Variants in RABGAP1L observed in about 807,000 individuals in gnomAD.
The protein encoded by RABGAP1L is RAB GTPase activating protein 1 like, also known as rab GTPase-activating protein 1-like.
In RABGAP1L, 63 loss-of-function variants were observed where a neutral mutation model predicts 137.7. The observed-to-expected ratio is 0.46, with a 90% confidence interval of 0.37 to 0.56. RABGAP1L has a LOEUF of 0.56. RABGAP1L is among the 20% of genes least tolerant of loss of function. The pLI is 0.00. For missense variants in RABGAP1L, 1,095 were observed against 1,244.0 expected (o/e 0.88, Z 1.80); for synonymous variants, 431 against 433.7 (o/e 0.99, Z 0.08).
At chr1:174,886,812 C>CTTTTTT (rs11385190) in intron 19 of RABGAP1L, among the ~76,000 whole-genome samples, 1 of 149,150 alleles carries the variant, frequency 6.7e-6, no homozygotes, top group Non-Finnish European at 1.5e-5. Context: ...CCATTTAATT[C>CTTTTTT]TTTTTTTTTT....
intron 19 of RABGAP1L, among the ~76,000 whole-genome samples, chr1:174,950,151 A>G (rs1233882397): frequency 6.6e-6 from 1 of 152,220 alleles, no homozygotes; most frequent in Non-Finnish European, 1.5e-5. Flanking sequence ...GTTAGTATGA[A>G]TTCAGGAGGA....
chr1:174,620,547 C>T (rs533848263), intron 13 of RABGAP1L, among the ~76,000 whole-genome samples: 15 of 152,080 alleles, frequency 9.9e-5, no homozygotes, highest in African/African-American at 2.7e-4. Flanking sequence ...AGGTACATAA[C>T]GAAATGAAGG....
chr1:174,566,555 A>T (rs1265266317), intron 13 of RABGAP1L, among the ~76,000 whole-genome samples: 3 of 152,182 alleles, frequency 2.0e-5, no homozygotes, highest in Non-Finnish European at 4.4e-5. Context: ...AGTGACTGAG[A>T]CAGTATCACT....
intron 19 of RABGAP1L, among the ~76,000 whole-genome samples, chr1:174,903,668 A>G (rs1039052606): frequency 1.9e-3 from 81 of 43,532 alleles, no homozygotes; most frequent in African/African-American, 8.0e-3. Context: ...AAAAAATTTC[A>G]TGGCTGAGTG....
At chr1:174,733,589 C>T (rs959112306) in intron 17 of RABGAP1L, among the ~76,000 whole-genome samples, 4 of 152,218 alleles carry the variant, frequency 2.6e-5, no homozygotes, top group Admixed American at 6.5e-5. Context: ...CCCTAAATAT[C>T]CCTCCTTTTT....
intron 13 of RABGAP1L, among the ~76,000 whole-genome samples, chr1:174,531,678 T>G (rs1283382426): frequency 6.9e-6 from 1 of 144,394 alleles, no homozygotes; most frequent in Non-Finnish European, 1.5e-5. Flanking sequence ...GGCTGTAGTG[T>G]GCTTTAATCA....
intron 17 of RABGAP1L, among the ~76,000 whole-genome samples, chr1:174,711,415 A>C (rs960551806): frequency 2.7e-5 from 4 of 149,580 alleles, no homozygotes; most frequent in African/African-American, 9.8e-5. Context: ...GTGGGTGGGA[A>C]CCGAGGCTGC....
rs955592067 is a variant in RABGAP1L, at chr1:174,612,110, G to A, written c.1711-25265G>A. ...ACACTATGTTGAATAGGAGTGGTGA[G>A]AGAGGGCATCCCTGTCTTGCACCTG... is the stretch of plus-strand genomic sequence containing the variant. On this transcript the variant is annotated intron_variant, in intron 13 of 25. Transcript: ENST00000681986. Among the ~76,000 whole-genome samples the A allele has an allele frequency of 3.7e-4, 57 of 152,176 alleles. 1 individual carries two copies. The highest frequency in any genetic ancestry group is 1.8e-3 in the Admixed American group (27 of 15,260).
At chr1:174,982,307 G>A (rs566636180) in intron 23 of RABGAP1L, among the ~76,000 whole-genome samples, 11 of 152,062 alleles carry the variant, frequency 7.2e-5, no homozygotes, top group Admixed American at 2.6e-4. Flanking sequence ...CCACCAGGCC[G>A]CGGTGTGTGA....
rs1008965840 is a variant in RABGAP1L, at chr1:174,184,073, T to C, written c.-34+24416T>C. ...TAGTAGAGACGGGGTTTCACCGTGT[T>C]AGCCAGGATAGTCTTGATCTCCTGA... is the stretch of plus-strand genomic sequence containing the variant. On this transcript the variant is annotated intron_variant, in intron 1 of 25. Coordinates refer to ENST00000681986, the MANE Select transcript of RABGAP1L (RefSeq NM_001366446.1). Among the ~76,000 whole-genome samples the C allele has an allele frequency of 3.9e-5, 6 of 152,166 alleles. No individual in the cohort carries two copies. The South Asian group carries it at 8.3e-4, about 21-fold the overall frequency.
Position 174,415,925 on chromosome 1 carries a change from A to G in RABGAP1L, c.1710+21780A>G, listed in dbSNP as rs563128397. 2.0e-5 allele frequency among the ~76,000 whole-genome samples: 3 copies of G among 151,586 alleles called. No individual in the cohort carries two copies. In the East Asian group the frequency reaches 5.8e-4, roughly 29 times the overall value. On this transcript the variant is annotated intron_variant, in intron 13 of 25. Coordinates refer to ENST00000681986, the MANE Select transcript of RABGAP1L (RefSeq NM_001366446.1). ...GACCTGGGATTCAAAATGCTTATTG[A>G]TCTTTATTTTATACTATTTAAAATC...
At chr1:174,811,633 T>G (rs1409758946) in intron 18 of RABGAP1L, among the ~76,000 whole-genome samples, 199 bp from the exon 19 acceptor site, 1 of 152,228 alleles carries the variant, frequency 6.6e-6, no homozygotes, top group African/African-American at 2.4e-5. Flanking sequence ...ATTGCTTCTG[T>G]GATTTATGGT....
intron 24 of RABGAP1L, among the ~76,000 whole-genome samples, chr1:174,985,528 C>A (rs947940825): frequency 3.3e-5 from 5 of 152,222 alleles, no homozygotes; most frequent in Non-Finnish European, 5.9e-5. Context: ...AAGTCAATAA[C>A]ATTAGCTGTT....
chr1:174,386,443 C>G (rs993230739), intron 12 of RABGAP1L, among the ~76,000 whole-genome samples: 1 of 151,824 alleles, frequency 6.6e-6, no homozygotes, highest in East Asian at 1.9e-4. Flanking sequence ...GTTTCTGAAT[C>G]TAAACCACTC....
intron 19 of RABGAP1L, chr1:174,875,423 G>A (rs975961571): frequency 7.3e-6 from 4 of 548,026 alleles, no homozygotes; most frequent in African/African-American, 4.1e-5. Flanking sequence ...GCTGAACTGC[G>A]GTTATAACTC....
chr1:174,698,004 A>G (rs1434492301), intron 15 of RABGAP1L, among the ~76,000 whole-genome samples: 1 of 152,250 alleles, frequency 6.6e-6, no homozygotes, highest in Non-Finnish European at 1.5e-5. Flanking sequence ...TATAATTAGA[A>G]AATAGAAGTG....
intron 19 of RABGAP1L, among the ~76,000 whole-genome samples, chr1:174,870,820 C>A (rs1652060102): frequency 1.3e-5 from 2 of 151,246 alleles, no homozygotes; most frequent in African/African-American, 2.4e-5. Flanking sequence ...TTACTGCAAG[C>A]TCCACCTTCC....
chr1:174,547,676 T>C (rs867277405), intron 13 of RABGAP1L, among the ~76,000 whole-genome samples: 46 of 152,242 alleles, frequency 3.0e-4, no homozygotes, highest in African/African-American at 1.0e-3. Context: ...TTTAAATGTG[T>C]GTAAATTGAA....
chr1:174,611,449 G>C (rs982295579), intron 13 of RABGAP1L, among the ~76,000 whole-genome samples: 11 of 150,882 alleles, frequency 7.3e-5, no homozygotes, highest in South Asian at 2.1e-4. Context: ...TGCTGTTTTG[G>C]TTACTGTAGC....
Sources: gnomAD v4.1 joint callset for allele counts (sites outside exome capture counted in the v4.1 genomes callset) on GRCh38, gnomAD v4.1.1 for gene constraint, MANE v1.5 for transcripts, NCBI Gene and HGNC (gene_info 2026-07-23, HGNC 2026-07-21) for gene names.